Variants in RXRA observed in about 807,000 individuals in gnomAD.
The protein encoded by RXRA is retinoic acid receptor RXR-alpha.
Under a neutral mutation model 44.5 loss-of-function variants are expected in RXRA, and 5 were observed. That is an observed-to-expected ratio of 0.11 (90% CI 0.06 to 0.24). RXRA has a LOEUF of 0.24. RXRA is among the 10% of genes least tolerant of loss of function. The pLI, the probability that RXRA is intolerant of heterozygous loss-of-function variation, is 1.00. For missense variants in RXRA, 412 were observed against 646.5 expected (o/e 0.64, Z 3.93); for synonymous variants, 291 against 271.4 (o/e 1.07, Z -0.71).
At chr9:134,339,792 T>G (rs1227854650) in intron 1 of RXRA, among the ~76,000 whole-genome samples, 2 of 150,702 alleles carry the variant, frequency 1.3e-5, no homozygotes, top group Non-Finnish European at 3.0e-5. Flanking sequence ...TGAGCCTGTG[T>G]GTATGAGTCT....
rs1285591252 is a variant in RXRA, at chr9:134,437,633, C to G, written c.*1019C>G. Reference sequence around the variant, plus strand: ...GGTTTCCCTCAGAGGGGGCAGGTGGCCTGGAGAGAGAGGGGCTCAGGAACT... The same window carrying G: ...GGTTTCCCTCAGAGGGGGCAGGTGGGCTGGAGAGAGAGGGGCTCAGGAACT... On this transcript the variant is annotated 3_prime_UTR_variant, in exon 10 of 10. Coordinates refer to ENST00000481739, the MANE Select transcript of RXRA (RefSeq NM_002957.6). 1.3e-5 allele frequency: 2 copies of G among 152,350 alleles called. No homozygotes were observed. The highest frequency in any genetic ancestry group is 2.9e-5 in the Non-Finnish European group (2 of 68,156). 9.4% of individuals were successfully genotyped at this position (152,350 alleles called of 1,614,324 possible).
At chr9:134,430,110 TCTC>T (rs1447452111) in intron 7 of RXRA, among the ~76,000 whole-genome samples, 1 of 152,142 alleles carries the variant, frequency 6.6e-6, no homozygotes, top group African/African-American at 2.4e-5. Context: ...ATGGTCTCGA[TCTC>T]CTGACCTCGT....
At chr9:134,328,617 C>G (rs532141350) in intron 1 of RXRA, among the ~76,000 whole-genome samples, 57 of 152,344 alleles carry the variant, frequency 3.7e-4, no homozygotes, top group African/African-American at 1.3e-3. Flanking sequence ...GTGACCAGCT[C>G]TGAAGTCCAG....
chr9:134,435,625 C>T (rs774634806), intron 9 of RXRA, among the ~76,000 whole-genome samples: 17 of 152,152 alleles, frequency 1.1e-4, no homozygotes, highest in East Asian at 1.9e-4. Flanking sequence ...GGTCTTGCAC[C>T]GTTACACAGC....
At position 134,427,480 on chromosome 9, in the gene RXRA, G is replaced by T. The variant is rs34492271; in HGVS notation, c.911-1628G>T. Among the ~76,000 whole-genome samples the T allele has an allele frequency of 3.3e-5, 5 of 152,344 alleles. No homozygotes were observed. In the East Asian group the frequency reaches 7.7e-4, roughly 24 times the overall value. ...GTGGTGCCGTCTGCATGCTCCCACG[G>T]TGATGGGGCACAGACCCCACCGTTC... On this transcript the variant is annotated intron_variant, in intron 6 of 9. Coordinates refer to ENST00000481739, the MANE Select transcript of RXRA (RefSeq NM_002957.6).
intron 1 of RXRA, among the ~76,000 whole-genome samples, chr9:134,362,171 C>T (rs10122419): frequency 0.25 from 38,198 of 152,076 alleles, 5,103 homozygotes; most frequent in African/African-American, 0.35. Flanking sequence ...GAGGAGTGAG[C>T]GGCACTTGTC....
chr9:134,431,223 G>A (rs986168288), intron 7 of RXRA, among the ~76,000 whole-genome samples: 2 of 152,376 alleles, frequency 1.3e-5, no homozygotes, highest in African/African-American at 2.4e-5. Flanking sequence ...AGGCTAGGGG[G>A]CCCAGTACAC....
Position 134,426,509 on chromosome 9 carries a change from CAGAG to C in RXRA, c.911-2593_911-2590del. ...GATGCAGCCGGCGTGCCGGAGGGTGCAGAGAGAGACTCCGCACTGTTCTGTCCGT... is the reference window on the plus strand; with the variant it reads ...GATGCAGCCGGCGTGCCGGAGGGTGCAGAGACTCCGCACTGTTCTGTCCGT... On this transcript the variant is annotated intron_variant, in intron 6 of 9. Transcript: ENST00000481739. The surrounding 1 kb of genome is among the most constrained non-coding windows in gnomAD (Gnocchi z 4.6). The C allele has an allele frequency of 1.0e-6, 1 of 985,450 alleles. No individual in the cohort carries two copies. The highest frequency in any genetic ancestry group is 1.2e-6 in the Non-Finnish European group (1 of 829,930). The allele number at this position is 985,450 out of a possible 1,614,324, so 61.0% of individuals were successfully genotyped here. A position where few individuals can be genotyped will look rare whatever the true frequency, so the allele number is the denominator to read the frequency against.
chr9:134,399,266 G>C (rs1057396730), intron 1 of RXRA, among the ~76,000 whole-genome samples: 1 of 152,228 alleles, frequency 6.6e-6, no homozygotes, highest in African/African-American at 2.4e-5. Flanking sequence ...CTGGCCTAGG[G>C]GCAGCTGCAG....
intron 1 of RXRA, among the ~76,000 whole-genome samples, chr9:134,350,500 C>T (rs939693175): frequency 9.2e-5 from 14 of 152,214 alleles, no homozygotes; most frequent in South Asian, 2.1e-4. Flanking sequence ...CAGCTCCATT[C>T]GGAGGCCTGT....
chr9:134,405,962 C>T, intron 2 of RXRA: 1 of 152,428 alleles, frequency 6.6e-6, no homozygotes, highest in Non-Finnish European at 1.5e-5. Flanking sequence ...CCCTTTCTTC[C>T]TCCCAGGCCC....
chr9:134,346,680 C>T (rs1308622090), intron 1 of RXRA, among the ~76,000 whole-genome samples: 1 of 152,208 alleles, frequency 6.6e-6, no homozygotes, highest in Non-Finnish European at 1.5e-5. Flanking sequence ...TGGATGCCCC[C>T]AAGGGTGGAG....
chr9:134,338,420 C>T (rs114831560), intron 1 of RXRA, among the ~76,000 whole-genome samples: 109 of 152,368 alleles, frequency 7.2e-4, no homozygotes, highest in African/African-American at 2.4e-3. Flanking sequence ...ATTGACGGGC[C>T]TCCAGCCCAA....
chr9:134,363,613 C>T (rs980404191), intron 1 of RXRA, among the ~76,000 whole-genome samples: 54 of 152,336 alleles, frequency 3.5e-4, no homozygotes, highest in Admixed American at 2.5e-3. Context: ...GGGTTGGCAA[C>T]GGCAGCTTTG....
chr9:134,389,611 A>C (rs981631871), intron 1 of RXRA, among the ~76,000 whole-genome samples: 1 of 152,146 alleles, frequency 6.6e-6, no homozygotes, highest in Admixed American at 6.5e-5. Context: ...CATTCTGCCA[A>C]GTGACCAGTG....
chr9:134,385,625 G>T (rs990100052), intron 1 of RXRA, among the ~76,000 whole-genome samples: 4 of 152,238 alleles, frequency 2.6e-5, no homozygotes, highest in Admixed American at 1.3e-4. Context: ...CGGTGGGGAT[G>T]TGAGGGCCTG....
chr9:134,397,764 G>A (rs961582414), intron 1 of RXRA, among the ~76,000 whole-genome samples: 3 of 152,170 alleles, frequency 2.0e-5, no homozygotes, highest in Admixed American at 1.3e-4. Context: ...TATGGCTCAG[G>A]TTCTGAGGTT....
chr9:134,344,937 C>T (rs1250339439), intron 1 of RXRA, among the ~76,000 whole-genome samples: 1 of 152,144 alleles, frequency 6.6e-6, no homozygotes, highest in African/African-American at 2.4e-5. Flanking sequence ...AGTTGGGCAG[C>T]GGATGTAGAG....
At chr9:134,338,578 C>G (rs1830042086) in intron 1 of RXRA, among the ~76,000 whole-genome samples, 1 of 152,222 alleles carries the variant, frequency 6.6e-6, no homozygotes, top group Non-Finnish European at 1.5e-5. Flanking sequence ...TGCGTGTGGA[C>G]AGTTAGGCCT....
Sources: gnomAD v4.1 joint callset for allele counts (sites outside exome capture counted in the v4.1 genomes callset) on GRCh38, gnomAD v4.1.1 for gene constraint, Gnocchi (gnomAD v3.1) non-coding constraint, MANE v1.5 for transcripts, NCBI Gene and HGNC (gene_info 2026-07-23, HGNC 2026-07-21) for gene names.